CTNNBL1: variants seen among roughly 807,000 people sequenced by gnomAD.
The protein encoded by CTNNBL1 is beta-catenin-like protein 1.
Under a neutral mutation model 72.7 loss-of-function variants are expected in CTNNBL1, and 31 were observed. The ratio of observed to expected loss-of-function variants is 0.43; its 90% CI spans 0.32 to 0.58. The LOEUF (loss-of-function observed/expected upper bound fraction) is 0.58. Ranked by LOEUF, CTNNBL1 falls within the 20% of genes least tolerant of loss-of-function variation. CTNNBL1 has a pLI of 0.08. For missense variants in CTNNBL1, 534 were observed against 725.1 expected, an observed-to-expected ratio of 0.74 and a Z score of 3.03; for synonymous variants, 240 against 267.3, an observed-to-expected ratio of 0.90 and a Z score of 1.00.
At chr20:37,704,753 G>A (rs1014770835) in intron 1 of CTNNBL1, among the ~76,000 whole-genome samples, 2 of 152,066 alleles carry the variant, frequency 1.3e-5, no homozygotes, top group Non-Finnish European at 2.9e-5. Context: ...AGCCTCCTGG[G>A]TGGTCTTACT....
intron 4 of CTNNBL1, among the ~76,000 whole-genome samples, chr20:37,749,127 A>C (rs1177828997): frequency 6.6e-6 from 1 of 152,328 alleles, no homozygotes; most frequent in Non-Finnish European, 1.5e-5. Context: ...CAGGCACTCC[A>C]GGTCTGTGAT....
chr20:37,713,332 AT>A (rs953749670), intron 1 of CTNNBL1, among the ~76,000 whole-genome samples: 11 of 151,928 alleles, frequency 7.2e-5, no homozygotes, highest in East Asian at 1.9e-4. Flanking sequence ...TAAATTGGTA[AT>A]TTTTTCCCCC....
intron 4 of CTNNBL1, among the ~76,000 whole-genome samples, chr20:37,749,700 C>G (rs1312755111): frequency 2.0e-5 from 3 of 152,160 alleles, no homozygotes; most frequent in Non-Finnish European, 2.9e-5. Context: ...GGGTAAATGT[C>G]ATCCTCCTCA....
rs374436401 is a variant in CTNNBL1, at chr20:37,798,428, A to C, written c.1032-4439A>C. On this transcript the variant is annotated intron_variant, in intron 10 of 15. Transcript: ENST00000361383. ...TCACATTGGTTCTGGCGTGATCGAC[A>C]GCCTGATGAACCCAGACAAGACTAA... Among the ~76,000 whole-genome samples, 22 of 152,338 alleles carry C rather than the reference A, an allele frequency of 1.4e-4. 1 individual carries two copies. Among genetic ancestry groups the C allele is most frequent in the African/African-American group, 5.1e-4 (21 of 41,572 alleles).
At chr20:37,785,236 G>A (rs2073662184) in intron 10 of CTNNBL1, among the ~76,000 whole-genome samples, 1 of 152,068 alleles carries the variant, frequency 6.6e-6, no homozygotes, top group South Asian at 2.1e-4. Flanking sequence ...AATGCCTTGA[G>A]GTAGTCTTCT....
chr20:37,776,689 T>C (rs890041467), intron 7 of CTNNBL1, among the ~76,000 whole-genome samples: 1 of 152,208 alleles, frequency 6.6e-6, no homozygotes, highest in East Asian at 1.9e-4. Context: ...ATGTGTCCCC[T>C]CTGAAACTCC....
At chr20:37,853,903 A>T (rs1047433967) in intron 13 of CTNNBL1, among the ~76,000 whole-genome samples, 2 of 152,258 alleles carry the variant, frequency 1.3e-5, no homozygotes, top group South Asian at 4.1e-4. Flanking sequence ...ACAACAGTCA[A>T]CTTCACTGCA....
intron 1 of CTNNBL1, among the ~76,000 whole-genome samples, chr20:37,713,864 C>T (rs1167907624): frequency 6.6e-6 from 1 of 152,054 alleles, no homozygotes; most frequent in Non-Finnish European, 1.5e-5. Context: ...GTATCAAAGC[C>T]CACTGAGAGC....
chr20:37,817,342 A>G (rs797013933), intron 11 of CTNNBL1, among the ~76,000 whole-genome samples: 76 of 152,300 alleles, frequency 5.0e-4, no homozygotes, highest in African/African-American at 1.7e-3. Flanking sequence ...GATTTTTTGT[A>G]TTTGGTAATG....
intron 11 of CTNNBL1, among the ~76,000 whole-genome samples, chr20:37,834,668 A>C (rs1057315911): frequency 1.3e-5 from 2 of 152,206 alleles, no homozygotes; most frequent in African/African-American, 4.8e-5. Flanking sequence ...AAAAGCTTAC[A>C]GTTTGGAATC....
At chr20:37,734,039 T>A (rs2073152183) in intron 2 of CTNNBL1, among the ~76,000 whole-genome samples, 1 of 152,240 alleles carries the variant, frequency 6.6e-6, no homozygotes, top group Non-Finnish European at 1.5e-5. Context: ...AACTTGTGTG[T>A]TATTTCACTC....
At chr20:37,796,911 G>A (rs1324671919) in intron 10 of CTNNBL1, among the ~76,000 whole-genome samples, 3 of 152,074 alleles carry the variant, frequency 2.0e-5, no homozygotes, top group South Asian at 2.1e-4. Context: ...TTACATTCAC[G>A]GTTTATTGGC....
At chr20:37,734,977 G>GA (rs762167024) in intron 2 of CTNNBL1, among the ~76,000 whole-genome samples, 4 of 152,188 alleles carry the variant, frequency 2.6e-5, no homozygotes, top group Non-Finnish European at 5.9e-5. Flanking sequence ...GCTAAGAAAA[G>GA]AAAAAGTAGC....
intron 9 of CTNNBL1, among the ~76,000 whole-genome samples, chr20:37,778,952 A>C (rs922187636): frequency 6.6e-6 from 1 of 151,002 alleles, no homozygotes; most frequent in Non-Finnish European, 1.5e-5. Flanking sequence ...GGAACTGTCA[A>C]TTACTGATGG....
intron 7 of CTNNBL1, among the ~76,000 whole-genome samples, chr20:37,770,921 G>A (rs896263715): frequency 1.3e-5 from 2 of 152,180 alleles, no homozygotes; most frequent in Non-Finnish European, 2.9e-5. Flanking sequence ...CATGTCCTTC[G>A]CAGCAATGCC....
intron 10 of CTNNBL1, among the ~76,000 whole-genome samples, chr20:37,802,092 A>G (rs182503569): frequency 6.6e-6 from 1 of 152,372 alleles, no homozygotes; most frequent in East Asian, 1.9e-4. Flanking sequence ...AGCATTATTC[A>G]TAATAGCCAA....
intron 13 of CTNNBL1, among the ~76,000 whole-genome samples, chr20:37,847,006 A>G (rs1600526002): frequency 6.6e-6 from 1 of 152,290 alleles, no homozygotes; most frequent in Non-Finnish European, 1.5e-5. Flanking sequence ...ATGAAAGACC[A>G]CTGCTCATTA....
chr20:37,698,428 A>C (rs1169729988), intron 1 of CTNNBL1, among the ~76,000 whole-genome samples: 2 of 152,212 alleles, frequency 1.3e-5, no homozygotes, highest in Admixed American at 1.3e-4. Flanking sequence ...GCCTTTGCTC[A>C]GCGAAATATC....
At chr20:37,715,594 G>A (rs1298992540) in intron 1 of CTNNBL1, among the ~76,000 whole-genome samples, 1 of 152,130 alleles carries the variant, frequency 6.6e-6, no homozygotes, top group East Asian at 1.9e-4. Context: ...CACTTATGCA[G>A]CTTTATTTAA....
Sources: allele counts gnomAD v4.1 joint callset (sites outside exome capture counted in the v4.1 genomes callset), GRCh38; gene constraint gnomAD v4.1.1; transcripts MANE v1.5; gene names NCBI Gene and HGNC (gene_info 2026-07-23, HGNC 2026-07-21).